TASP1: variants seen among roughly 807,000 people sequenced by gnomAD.
TASP1 encodes taspase 1.
Under a neutral mutation model 56.6 loss-of-function variants are expected in TASP1, and 16 were observed. The ratio of observed to expected loss-of-function variants is 0.28; its 90% CI spans 0.19 to 0.43. The LOEUF (loss-of-function observed/expected upper bound fraction) is 0.43, where lower values mean the gene tolerates loss of function less well. Ranked by LOEUF, TASP1 falls within the 20% of genes least tolerant of loss-of-function variation. TASP1 has a pLI of 1.00. For synonymous variants in TASP1, 179 were observed against 184.2 expected (o/e 0.97, Z 0.23); for missense variants, 393 against 511.6 (o/e 0.77, Z 2.24).
the TASP1 span, among the ~76,000 whole-genome samples, chr20:13,357,930 C>A: frequency 6.6e-6 from 1 of 152,190 alleles, no homozygotes; most frequent in African/African-American, 2.4e-5. Context: ...GTGACTTGCA[C>A]GTATATGCCC....
the TASP1 span, among the ~76,000 whole-genome samples, chr20:13,254,234 A>AAAATAAAT: frequency 5.7e-3 from 862 of 150,800 alleles, 6 homozygotes; most frequent in Middle Eastern, 0.014. Flanking sequence ...CTCCATCTCA[A>AAAATAAAT]AAATAAATAA....
intron 8 of TASP1, among the ~76,000 whole-genome samples, chr20:13,539,233 A>C (rs2045529362): frequency 6.6e-6 from 1 of 152,214 alleles, no homozygotes; most frequent in Non-Finnish European, 1.5e-5. Flanking sequence ...ATTCTTAAGT[A>C]ATCTTTTATT....
chr20:13,536,517 T>G (rs558701537), intron 8 of TASP1, among the ~76,000 whole-genome samples: 1 of 152,294 alleles, frequency 6.6e-6, no homozygotes, highest in East Asian at 1.9e-4. Flanking sequence ...ATAAACAAAC[T>G]GTAAAATAAC....
chr20:13,392,917 C>A (rs1298565856), intron 13 of TASP1: 5 of 636,968 alleles, frequency 7.8e-6, no homozygotes, highest in Non-Finnish European at 1.5e-5. Context: ...GGAGTGAGAT[C>A]CCACCAAAAT....
the TASP1 span, among the ~76,000 whole-genome samples, chr20:13,329,875 G>A: frequency 1.3e-5 from 2 of 151,894 alleles, no homozygotes; most frequent in African/African-American, 2.4e-5. Context: ...GGAGATTTTC[G>A]TAAATATCAT....
the TASP1 span, among the ~76,000 whole-genome samples, chr20:13,374,713 TC>T: frequency 6.6e-6 from 1 of 152,176 alleles, no homozygotes; most frequent in Non-Finnish European, 1.5e-5. Flanking sequence ...GGTTATTAGT[TC>T]ATCTCTTCCC....
chr20:13,151,496 C>A, the TASP1 span, among the ~76,000 whole-genome samples: 2 of 152,118 alleles, frequency 1.3e-5, no homozygotes, highest in African/African-American at 4.8e-5. Flanking sequence ...AACCTGCCTG[C>A]TGGGAGCTGG....
the TASP1 span, among the ~76,000 whole-genome samples, chr20:13,369,301 C>T: frequency 6.6e-6 from 1 of 152,142 alleles, no homozygotes; most frequent in East Asian, 1.9e-4. Context: ...CAAAAATTAG[C>T]TGGGCGTGGT....
At chr20:13,212,066 G>A in the TASP1 span, among the ~76,000 whole-genome samples, 70 of 152,174 alleles carry the variant, frequency 4.6e-4, no homozygotes, top group Admixed American at 1.6e-3. Context: ...TGTGGAAACA[G>A]CATTGTGCAT....
the TASP1 span, among the ~76,000 whole-genome samples, chr20:13,174,295 A>G: frequency 6.6e-6 from 1 of 152,224 alleles, no homozygotes; most frequent in Non-Finnish European, 1.5e-5. Context: ...AAAGAAGAAA[A>G]GTTCAAAATG....
chr20:13,126,756 C>G, the TASP1 span: 1 of 1,609,882 alleles, frequency 6.2e-7, no homozygotes, highest in Non-Finnish European at 8.5e-7. Context: ...CTGGACCTCT[C>G]TGTCTCCCTT....
the TASP1 span, among the ~76,000 whole-genome samples, chr20:13,331,072 T>C: frequency 6.6e-6 from 1 of 152,176 alleles, no homozygotes; most frequent in South Asian, 2.1e-4. Flanking sequence ...TCTTTTTTTC[T>C]TGTTTTAAGG....
chr20:13,511,604 T>A lies in TASP1; in HGVS notation c.874+16829A>T, dbSNP rs544814682. 1.1e-4 allele frequency among the ~76,000 whole-genome samples: 17 copies of A among 152,184 alleles called. No individual in the cohort carries two copies. The East Asian group carries it at 2.7e-3, about 24-fold the overall frequency. On this transcript the variant is annotated intron_variant, in intron 10 of 13. Coordinates refer to ENST00000337743, the MANE Select transcript of TASP1 (RefSeq NM_017714.3). ...GAATACCTGAAGTTCCGGGTTTTTT[T>A]ATTATTATTATCATACTTTAAGTTC...
In TASP1 at chr20:13,422,322, C is replaced by T. The variant is rs1408622681; in HGVS notation, c.1097-4801G>A. Among the ~76,000 whole-genome samples, 8 of 152,190 alleles carry T rather than the reference C, an allele frequency of 5.3e-5. No homozygotes were observed. The East Asian group carries it at 1.5e-3, about 29-fold the overall frequency. ...GTTTTCCTGATGCTGGGTAACATGC[C>T]CATAAATTTCTTTGGCTTTCAAGTT... On this transcript the variant is annotated intron_variant, in intron 12 of 13. Transcript: ENST00000337743.
chr20:13,606,827 A>G, intron 4 of TASP1, among the ~76,000 whole-genome samples: 1 of 149,444 alleles, frequency 6.7e-6, no homozygotes, highest in East Asian at 2.0e-4. Context: ...AAAAAAAAAG[A>G]ATTTGTCTCT....
At chr20:13,151,307 T>C in the TASP1 span, among the ~76,000 whole-genome samples, 1 of 152,254 alleles carries the variant, frequency 6.6e-6, no homozygotes, top group Non-Finnish European at 1.5e-5. Context: ...TTAATTTATA[T>C]TTATTGTCTC....
chr20:13,500,483 T>C (rs2043905143), intron 10 of TASP1, among the ~76,000 whole-genome samples: 1 of 151,664 alleles, frequency 6.6e-6, no homozygotes, highest in East Asian at 1.9e-4. Flanking sequence ...ATAGCCCAGA[T>C]GTTGGAATTA....
the TASP1 span, among the ~76,000 whole-genome samples, chr20:13,314,599 G>A: frequency 2.0e-5 from 3 of 152,028 alleles, no homozygotes. Flanking sequence ...TTTGTTACCA[G>A]TAGAAGTGCC....
chr20:13,344,740 C>T, the TASP1 span, among the ~76,000 whole-genome samples: 1 of 152,196 alleles, frequency 6.6e-6, no homozygotes, highest in East Asian at 1.9e-4. Context: ...CCCCGAGGGC[C>T]TTGTATTCCC....
Sources: gnomAD v4.1 joint callset for allele counts (sites outside exome capture counted in the v4.1 genomes callset) on GRCh38, gnomAD v4.1.1 for gene constraint, MANE v1.5 for transcripts, NCBI Gene and HGNC (gene_info 2026-07-23, HGNC 2026-07-21) for gene names.